Variants in PIANP observed in about 807,000 individuals in gnomAD.
PIANP encodes the protein PILR alpha-associated neural protein.
In PIANP, 14 loss-of-function variants were observed where a neutral mutation model predicts 28.9. That is an observed-to-expected ratio of 0.49 (90% CI 0.32 to 0.76). The LOEUF (loss-of-function observed/expected upper bound fraction) is 0.76. PIANP is among the 30% of genes least tolerant of loss of function. The pLI is 0.03. For missense variants in PIANP, 322 were observed against 371.8 expected (o/e 0.87, Z 1.10); for synonymous variants, 149 against 156.6 (o/e 0.95, Z 0.36).
rs1283913663 is a variant in PIANP, at chr12:6,694,617, A to G, written c.*809T>C. The G allele has an allele frequency of 5.9e-6, 1 of 168,364 alleles. No individual in the cohort carries two copies. The highest frequency in any genetic ancestry group is 2.4e-5 in the African/African-American group (1 of 42,108). The allele number at this position is 168,364 out of a possible 1,614,324, so 10.4% of individuals were successfully genotyped here. A position where few individuals can be genotyped will look rare whatever the true frequency, so the allele number is the denominator to read the frequency against. ...GGCCGGGAAACGCACATGAGAGGTA[A>G]AGTGTGCAGGAAACGCTGACCACTG... On this transcript the variant is annotated 3_prime_UTR_variant, in exon 5 of 5. Coordinates refer to ENST00000534837, the MANE Select transcript of PIANP (RefSeq NM_001244014.2). The surrounding 1 kb of genome is among the most constrained non-coding windows in gnomAD (Gnocchi z 6.1).
rs549191146 is a variant in PIANP, at chr12:6,695,513, G to A, written c.744C>T (p.Pro248=). 31 of 1,566,316 alleles carry A rather than the reference G, an allele frequency of 2.0e-5. No individual in the cohort carries two copies. The highest frequency in any genetic ancestry group is 2.4e-5 in the Non-Finnish European group (28 of 1,154,358). ...VLGAFGDSPT[P]TPDHEEPRGG... ...CTCGGGGCTCCTCATGGTCAGGGGT[G>A]GGGGTAGGTGAGTCCCCGAAGGCCC... The change falls in exon 5 of 5, where the codon CCC becomes CCT. Residue 248 remains proline, a synonymous_variant. Transcript: ENST00000534837. This position sits in a 1 kb window ranked among gnomAD's most constrained non-coding sequence, Gnocchi z 4.2.
In PIANP at chr12:6,697,329, G is replaced by C; in HGVS notation, c.481C>G (p.Pro161Ala). The C allele has an allele frequency of 6.2e-7, 1 of 1,614,018 alleles. No individual in the cohort carries two copies. The highest frequency in any genetic ancestry group is 8.5e-7 in the Non-Finnish European group (1 of 1,179,888). ...AACAGGAATGGCCGCAGGGTGGCAG[G>C]TGCCTCTCCAAGGATAAGCCCATCT... ...DGDGLILGEA[P>A]ATLRPFLFGG... Residue 161 changes from proline (P) to alanine (A), a missense_variant, in exon 3 of 5, where the codon CCT becomes GCT. By Grantham distance (27) the Pro-to-Ala change is conservative (BLOSUM62 -1). Coordinates refer to ENST00000534837, the MANE Select transcript of PIANP (RefSeq NM_001244014.2). This position sits in a 1 kb window ranked among gnomAD's most constrained non-coding sequence, Gnocchi z 6.9.
intron 1 of PIANP, among the ~76,000 whole-genome samples, chr12:6,699,100 C>T (rs921112500): frequency 7.2e-5 from 11 of 152,038 alleles, no homozygotes; most frequent in Non-Finnish European, 8.8e-5. Flanking sequence ...AAAAATTAGC[C>T]GGGGGTAGTG....
chr12:6,695,310 G>T lies in PIANP; in HGVS notation c.*116C>A, dbSNP rs904581672. ...GGTCCAGCCCCCTTGGGAGGGCCAG[G>T]GGCTGTGGGAGGCCACGCCTGCCTC... On this transcript the variant is annotated 3_prime_UTR_variant, in exon 5 of 5. Coordinates refer to ENST00000534837, the MANE Select transcript of PIANP (RefSeq NM_001244014.2). This position sits in a 1 kb window ranked among gnomAD's most constrained non-coding sequence, Gnocchi z 4.2. The T allele has an allele frequency of 1.2e-5, 17 of 1,398,090 alleles. No individual in the cohort carries two copies. The highest frequency in any genetic ancestry group is 1.6e-5 in the Non-Finnish European group (17 of 1,070,746). The allele number at this position is 1,398,090 out of a possible 1,614,324, so 86.6% of individuals were successfully genotyped here.
In PIANP at chr12:6,700,069, C is replaced by G. The variant is rs1960004832; in HGVS notation, c.-44+545G>C. On this transcript the variant is annotated intron_variant, in intron 1 of 4. Coordinates refer to ENST00000534837, the MANE Select transcript of PIANP (RefSeq NM_001244014.2). This position sits in a 1 kb window ranked among gnomAD's most constrained non-coding sequence, Gnocchi z 5.5. ...GGCCCCGCACAGCTTCAGCCGCCCC[C>G]TCCAGGAAGCCCGCAGTCCCCGGGC... 6.6e-6 allele frequency: 1 copy of G among 152,430 alleles called. No individual in the cohort carries two copies. Among genetic ancestry groups the G allele is most frequent in the African/African-American group, 2.4e-5 (1 of 41,446 alleles). 9.4% of individuals were successfully genotyped at this position (152,430 alleles called of 1,614,324 possible).
Position 6,697,639 on chromosome 12 carries a change from A to G in PIANP, c.171T>C (p.His57=). ...GAGGTGCTCGCTCCCACACGCACAC[A>G]TGACGTGGGGCCGAGGGGCCTCCCC... ...CARGGPSAPR[H]VCVWERAPPP... The change falls in exon 3 of 5, where the codon CAT becomes CAC. Residue 57 remains histidine (H), a synonymous_variant. Transcript: ENST00000534837. The surrounding 1 kb of genome is among the most constrained non-coding windows in gnomAD (Gnocchi z 6.9). The G allele has an allele frequency of 2.6e-6, 4 of 1,547,536 alleles. No homozygotes were observed. Among genetic ancestry groups the G allele is most frequent in the Non-Finnish European group, 3.5e-6 (4 of 1,145,104 alleles).
In PIANP at chr12:6,695,964, C is replaced by G. The variant is rs1379646845; in HGVS notation, c.606-313G>C. 1.3e-5 allele frequency among the ~76,000 whole-genome samples: 2 copies of G among 152,164 alleles called. No individual in the cohort carries two copies. The highest frequency in any genetic ancestry group is 1.3e-4 in the Admixed American group (2 of 15,274). ...ACATGCCCAGAAGAGTCATTTCTGT[C>G]TTCAGCAGACAACTGGCAGGTTTAG... On this transcript the variant is annotated intron_variant, in intron 4 of 4. Transcript: ENST00000534837. This position sits in a 1 kb window ranked among gnomAD's most constrained non-coding sequence, Gnocchi z 4.2.
chr12:6,696,917 C>T lies in PIANP; in HGVS notation c.523+370G>A, dbSNP rs1484048144. ...AGCCAAGACATCTCCCGGGTAGTGC[C>T]CTTCATTCATGGCATTCTCTGCCCA... On this transcript the variant is annotated intron_variant, in intron 3 of 4. Transcript: ENST00000534837. The surrounding 1 kb of genome is among the most constrained non-coding windows in gnomAD (Gnocchi z 4.0). Among the ~76,000 whole-genome samples, 1 of 152,122 alleles carries T rather than the reference C, an allele frequency of 6.6e-6. No individual in the cohort carries two copies. The highest frequency in any genetic ancestry group is 1.5e-5 in the Non-Finnish European group (1 of 68,018).
At chr12:6,700,805 CGGCTCGGCTCGGCTG>C (rs1960035399) in exon 1 of PIANP, 1 of 152,084 alleles carries the variant, frequency 6.6e-6, no homozygotes, top group Non-Finnish European at 1.5e-5. This position sits in a 1 kb window ranked among gnomAD's most constrained non-coding sequence, Gnocchi z 5.5. Context: ...CGGCTCGGCT[CGGCTCGGCTCGGCTG>C]GGCTCGGCGC....
At chr12:6,698,903 GA>G (rs1341930126) in intron 1 of PIANP, among the ~76,000 whole-genome samples, 7 of 152,182 alleles carry the variant, frequency 4.6e-5, no homozygotes, top group Non-Finnish European at 1.5e-5. Flanking sequence ...AGGCTCCCCA[GA>G]GGGAGTGAAG....
chr12:6,697,856 C>A lies in PIANP; in HGVS notation c.18-64G>T. On this transcript the variant is annotated intron_variant, in intron 2 of 4. Transcript: ENST00000534837. This position sits in a 1 kb window ranked among gnomAD's most constrained non-coding sequence, Gnocchi z 6.9. ...ACTGTGGGCCTATGTGAGGGAGGGA[C>A]AGGTTCACACCAGAAACCTCCAGGT... 12 of 1,496,974 alleles carry A rather than the reference C, an allele frequency of 8.0e-6. No individual in the cohort carries two copies. The highest frequency in any genetic ancestry group is 1.1e-5 in the Non-Finnish European group (12 of 1,121,890). 92.7% of individuals were successfully genotyped at this position (1,496,974 alleles called of 1,614,324 possible).
chr12:6,695,340 C>A lies in PIANP; in HGVS notation c.*86G>T. The A allele has an allele frequency of 7.1e-7, 1 of 1,406,212 alleles. No homozygotes were observed. 87.1% of individuals were successfully genotyped at this position (1,406,212 alleles called of 1,614,324 possible). ...GTGGGAGGCCACGCCTGCCTCCTCA[C>A]TACCCATCCAGAGGGCACCCCCACC... On this transcript the variant is annotated 3_prime_UTR_variant, in exon 5 of 5. Transcript: ENST00000534837. The surrounding 1 kb of genome is among the most constrained non-coding windows in gnomAD (Gnocchi z 4.2).
In PIANP at chr12:6,695,558, C is replaced by T. The variant is rs775726822; in HGVS notation, c.699G>A (p.Pro233=). 22 of 1,593,614 alleles carry T rather than the reference C, an allele frequency of 1.4e-5. No individual in the cohort carries two copies. The highest frequency in any genetic ancestry group is 4.6e-5 in the East Asian group (2 of 43,424). The part of the protein sequence containing the change: ...ESQQPLTDLS[P]AGVTVLGAFG... ...AGGCCCCCAGCACAGTGACTCCAGC[C>T]GGGGACAGGTCTGTCAGTGGCTGCT... The change falls in exon 5 of 5, where the codon CCG becomes CCA. Residue 233 remains proline, a synonymous_variant. Coordinates refer to ENST00000534837, the MANE Select transcript of PIANP (RefSeq NM_001244014.2). This position sits in a 1 kb window ranked among gnomAD's most constrained non-coding sequence, Gnocchi z 4.2.
rs1959783381 is a variant in PIANP, at chr12:6,694,436, G to T, written c.*990C>A. The T allele has an allele frequency of 6.6e-6, 1 of 152,416 alleles. No individual in the cohort carries two copies. Among genetic ancestry groups the T allele is most frequent in the South Asian group, 2.1e-4 (1 of 4,840 alleles). The allele number at this position is 152,416 out of a possible 1,614,324, so 9.4% of individuals were successfully genotyped here. On this transcript the variant is annotated 3_prime_UTR_variant, in exon 5 of 5. Transcript: ENST00000534837. This position sits in a 1 kb window ranked among gnomAD's most constrained non-coding sequence, Gnocchi z 6.1. ...GGATGGGGAGACAGAGAAACAAATG[G>T]TGTGGAATGGGACGAGACCATGACC... is the stretch of plus-strand genomic sequence containing the variant.
chr12:6,697,974 G>A lies in PIANP; in HGVS notation c.17+71C>T. On this transcript the variant is annotated intron_variant, in intron 2 of 4. Transcript: ENST00000534837. The surrounding 1 kb of genome is among the most constrained non-coding windows in gnomAD (Gnocchi z 6.9). ...CCTCAGGATGGGAAGGCTCTGGATG[G>A]GTCTAGGAAGGAAGGAGTCATGGCC... 1 of 1,541,384 alleles carries A rather than the reference G, an allele frequency of 6.5e-7. No individual in the cohort carries two copies. The highest frequency in any genetic ancestry group is 1.2e-5 in the South Asian group (1 of 83,848).
Position 6,700,757 on chromosome 12 carries a change from C to G in PIANP, c.-187G>C, listed in dbSNP as rs1397266790. 1 of 150,600 alleles carries G rather than the reference C, an allele frequency of 6.6e-6. No homozygotes were observed. The highest frequency in any genetic ancestry group is 2.5e-5 in the African/African-American group (1 of 40,800). The allele number at this position is 150,600 out of a possible 1,614,324, so 9.3% of individuals were successfully genotyped here. On this transcript the variant is annotated 5_prime_UTR_variant, in exon 1 of 5. Coordinates refer to ENST00000534837, the MANE Select transcript of PIANP (RefSeq NM_001244014.2). The surrounding 1 kb of genome is among the most constrained non-coding windows in gnomAD (Gnocchi z 5.5). ...GCTGGAGCGGGTGGGGGGCGGGCGC[C>G]TGGGGCGCGGGGCGGCGGCGGTGGG...
chr12:6,697,219 T>A lies in PIANP; in HGVS notation c.523+68A>T. 3.2e-6 allele frequency: 5 copies of A among 1,580,660 alleles called. No homozygotes were observed. In the South Asian group the frequency reaches 5.8e-5, roughly 18 times the overall value. On this transcript the variant is annotated intron_variant, in intron 3 of 4. Coordinates refer to ENST00000534837, the MANE Select transcript of PIANP (RefSeq NM_001244014.2). This position sits in a 1 kb window ranked among gnomAD's most constrained non-coding sequence, Gnocchi z 6.9. ...AAGGAGCTAACAGACAAGGCCTCTA[T>A]TTCTGCCCCTTGGTGTCTTCACCCA... is the stretch of plus-strand genomic sequence containing the variant.
At chr12:6,699,505 G>C (rs1163573119) in intron 1 of PIANP, among the ~76,000 whole-genome samples, 1 of 151,974 alleles carries the variant, frequency 6.6e-6, no homozygotes, top group South Asian at 2.1e-4. Flanking sequence ...GGGTACAGAA[G>C]ACTCGAACTG....
rs1960033646 is a variant in PIANP, at chr12:6,700,784, G to A, written c.-214C>T. The A allele has an allele frequency of 6.6e-6, 1 of 152,480 alleles. No individual in the cohort carries two copies. Among genetic ancestry groups the A allele is most frequent in the South Asian group, 1.8e-4 (1 of 5,596 alleles). The allele number at this position is 152,480 out of a possible 1,614,324, so 9.4% of individuals were successfully genotyped here. ...GGGGCGCGGGGCGGCGGCGGTGGGA[G>A]ATGCTCGCCTCGGCTCGGCTCGGCT... On this transcript the variant is annotated 5_prime_UTR_variant, in exon 1 of 5. Transcript: ENST00000534837. This position sits in a 1 kb window ranked among gnomAD's most constrained non-coding sequence, Gnocchi z 5.5.
Sources: gnomAD v4.1 joint callset for allele counts (sites outside exome capture counted in the v4.1 genomes callset) on GRCh38, gnomAD v4.1.1 for gene constraint, Gnocchi (gnomAD v3.1) non-coding constraint, MANE v1.5 for transcripts, NCBI Gene and HGNC (gene_info 2026-07-23, HGNC 2026-07-21) for gene names.